CIDEC: variants seen among roughly 807,000 people sequenced by gnomAD.
CIDEC encodes the protein lipid transferase CIDEC.
In CIDEC, 11 loss-of-function variants were observed where a neutral mutation model predicts 21.9. The ratio of observed to expected loss-of-function variants is 0.50; its 90% CI spans 0.32 to 0.83. CIDEC has a LOEUF of 0.83. Among genes scored for constraint, CIDEC ranks in the 40% least tolerant of loss-of-function variants. The probability of loss-of-function intolerance (pLI) is 0.04; values close to 1 mark genes in which losing one functional copy is unlikely to be tolerated. For missense variants in CIDEC, 302 were observed against 302.3 expected (o/e 1.00, Z 0.01); for synonymous variants, 127 against 124.9 (o/e 1.02, Z -0.11).
intron 3 of CIDEC, 165 bp downstream of exon 3, chr3:9,878,269 G>GA (rs2082455188): frequency 1.5e-6 from 1 of 682,970 alleles, no homozygotes; most frequent in Non-Finnish European, 2.7e-6. Flanking sequence ...ATCACCCAGG[G>GA]ACTTCTTGGC....
intron 4 of CIDEC, among the ~76,000 whole-genome samples, chr3:9,872,691 T>C (rs1268275116): frequency 6.6e-6 from 1 of 152,090 alleles, no homozygotes; most frequent in Non-Finnish European, 1.5e-5. Flanking sequence ...TGTCCCTTGA[T>C]ATACAAAAGT....
At position 9,869,930 on chromosome 3, in the gene CIDEC, T is replaced by C; in HGVS notation, c.506A>G (p.Tyr169Cys). 1 of 1,613,734 alleles carries C rather than the reference T, an allele frequency of 6.2e-7. No individual in the cohort carries two copies. Among genetic ancestry groups the C allele is most frequent in the South Asian group, 1.1e-5 (1 of 91,058 alleles). Reference sequence around the variant, plus strand: ...GCAGTGCAGATCATAGGAAAGGGAGTATGTATCATAAAAAGTCGCCTTCAC... The same window carrying C: ...GCAGTGCAGATCATAGGAAAGGGAGCATGTATCATAAAAAGTCGCCTTCAC... ...LNVKATFYDTYSLSYDLHCCG... is the reference protein window; with the variant it reads ...LNVKATFYDTCSLSYDLHCCG... Residue 169 changes from tyrosine (Y) to cysteine (C), a missense_variant, in exon 6 of 7, where the codon TAC (tyrosine) becomes TGC (cysteine). Coordinates refer to ENST00000336832, the MANE Select transcript of CIDEC (RefSeq NM_001321142.2).
chr3:9,875,202 C>T lies in CIDEC; in HGVS notation c.207+1864G>A, dbSNP rs561611294. On this transcript the variant is annotated intron_variant, in intron 4 of 6. Transcript: ENST00000336832. ...CATCCTGGCTAACACGGTGAAACCCCGTCTCTACCAAAAATACAAAAAAAA... is the reference window on the plus strand; with the variant it reads ...CATCCTGGCTAACACGGTGAAACCCTGTCTCTACCAAAAATACAAAAAAAA... Among the ~76,000 whole-genome samples the T allele has an allele frequency of 1.3e-4, 20 of 151,962 alleles. No homozygotes were observed. In the South Asian group the frequency reaches 4.0e-3, roughly 30 times the overall value.
chr3:9,866,752 AT>A lies in CIDEC; in HGVS notation c.*381del. The stretch of plus-strand genomic sequence containing the variant: ...TTTATTGCAAACTCCCTAATATCAC[AT>A]GCTAGTGCGCTTGCGAATTCACTCA... On this transcript the variant is annotated 3_prime_UTR_variant, in exon 7 of 7. Coordinates refer to ENST00000336832, the MANE Select transcript of CIDEC (RefSeq NM_001321142.2). 1 of 502,044 alleles carries A rather than the reference AT, an allele frequency of 2.0e-6. No homozygotes were observed. The highest frequency in any genetic ancestry group is 3.6e-6 in the Non-Finnish European group (1 of 277,112). 31.1% of individuals were successfully genotyped at this position (502,044 alleles called of 1,614,324 possible). A position where few individuals can be genotyped will look rare whatever the true frequency, so the allele number is the denominator to read the frequency against.
intron 4 of CIDEC, among the ~76,000 whole-genome samples, chr3:9,875,880 G>A (rs2082415614): frequency 2.0e-5 from 3 of 152,170 alleles, no homozygotes; most frequent in Admixed American, 6.5e-5. Context: ...TGCAGGGGGT[G>A]CCCAGACCTC....
chr3:9,871,785 C>CA (rs1409044614), intron 4 of CIDEC, among the ~76,000 whole-genome samples: 2 of 152,030 alleles, frequency 1.3e-5, no homozygotes, highest in South Asian at 2.1e-4. Context: ...CATGTGCCAC[C>CA]ACACCCAGCT....
rs1364172399 is a variant in CIDEC, at chr3:9,878,571, T to C, written c.-25-60A>G. On this transcript the variant is annotated intron_variant, in intron 2 of 6. Coordinates refer to ENST00000336832, the MANE Select transcript of CIDEC (RefSeq NM_001321142.2). ...GATGAGAGGGTTCCCATCTCTCTCA[T>C]TGTTAGGCAAGGTGCAACCCAACCC... 5 of 1,487,782 alleles carry C rather than the reference T, an allele frequency of 3.4e-6. No homozygotes were observed. In the African/African-American group the frequency reaches 5.5e-5, roughly 16 times the overall value. 92.2% of individuals were successfully genotyped at this position (1,487,782 alleles called of 1,614,324 possible). A position where few individuals can be genotyped will look rare whatever the true frequency, so the allele number is the denominator to read the frequency against.
intron 4 of CIDEC, among the ~76,000 whole-genome samples, chr3:9,872,949 AC>A (rs1173790806): frequency 6.6e-6 from 1 of 152,156 alleles, no homozygotes; most frequent in Non-Finnish European, 1.5e-5. Context: ...AGATTGCACC[AC>A]TGCACTCCAG....
Position 9,879,004 on chromosome 3 carries a change from T to C in CIDEC, c.-88A>G, listed in dbSNP as rs2082468691. On this transcript the variant is annotated 5_prime_UTR_variant, in exon 2 of 7. Transcript: ENST00000336832. ...AAAGCCTCCTCTCTCCCATGGGTCCTTGAGCAATCCGAGCCCCTTCCTGAG... is the reference window on the plus strand; with the variant it reads ...AAAGCCTCCTCTCTCCCATGGGTCCCTGAGCAATCCGAGCCCCTTCCTGAG... 2 of 627,232 alleles carry C rather than the reference T, an allele frequency of 3.2e-6. No individual in the cohort carries two copies. The highest frequency in any genetic ancestry group is 5.7e-6 in the Non-Finnish European group (2 of 348,878). 38.9% of individuals were successfully genotyped at this position (627,232 alleles called of 1,614,324 possible). A position where few individuals can be genotyped will look rare whatever the true frequency, so the allele number is the denominator to read the frequency against.
In CIDEC at chr3:9,878,516, G is replaced by A; in HGVS notation, c.-25-5C>T. 1 of 1,612,486 alleles carries A rather than the reference G, an allele frequency of 6.2e-7. No individual in the cohort carries two copies. Among genetic ancestry groups the A allele is most frequent in the Non-Finnish European group, 8.5e-7 (1 of 1,178,564 alleles). ...GTCAGCTGGACTGCGTTGGACCTGGGAAGGAGGCAGAAACAATTCATCAGG... is the reference window on the plus strand; with the variant it reads ...GTCAGCTGGACTGCGTTGGACCTGGAAAGGAGGCAGAAACAATTCATCAGG... On this transcript the variant is annotated splice_polypyrimidine_tract_variant and splice_region_variant and intron_variant, in intron 2 of 6. Transcript: ENST00000336832.
At chr3:9,877,670 A>G (rs575479226) in intron 3 of CIDEC, among the ~76,000 whole-genome samples, 2 of 152,098 alleles carry the variant, frequency 1.3e-5, no homozygotes, top group African/African-American at 4.8e-5. Context: ...AAAAAAAAAT[A>G]ATAAAATAAA....
At chr3:9,876,055 T>C (rs2082418492) in intron 4 of CIDEC, among the ~76,000 whole-genome samples, 1 of 152,150 alleles carries the variant, frequency 6.6e-6, no homozygotes, top group Non-Finnish European at 1.5e-5. Context: ...AAACTTAGAA[T>C]AAAGAGGTTA....
intron 6 of CIDEC, among the ~76,000 whole-genome samples, chr3:9,867,825 G>A (rs1355278949): frequency 1.3e-5 from 2 of 151,832 alleles, no homozygotes; most frequent in Non-Finnish European, 2.9e-5. Context: ...AGCTACTCGG[G>A]AAGCTGAGGC....
intron 6 of CIDEC, 28 bp from the exon 7 acceptor site, chr3:9,867,324 C>A: frequency 6.2e-7 from 1 of 1,613,242 alleles, no homozygotes. Context: ...GCACGCAAGT[C>A]AAAACCACGA....
At chr3:9,876,979 GA>G in intron 4 of CIDEC, 86 bp downstream of exon 4, 1 of 1,161,808 alleles carries the variant, frequency 8.6e-7, no homozygotes, top group Non-Finnish European at 1.3e-6. Flanking sequence ...TATCAGAAAG[GA>G]AACTGTGCCA....
At chr3:9,876,363 T>A (rs1348244510) in intron 4 of CIDEC, among the ~76,000 whole-genome samples, 1 of 150,154 alleles carries the variant, frequency 6.7e-6, no homozygotes, top group South Asian at 2.1e-4. Context: ...AGTCCCAGCT[T>A]CTTGGGAGGC....
chr3:9,876,938 G>T, intron 4 of CIDEC, 128 bp downstream of exon 4: 1 of 748,022 alleles, frequency 1.3e-6, no homozygotes, highest in South Asian at 1.6e-5. Flanking sequence ...AGCTCTCCAG[G>T]TGGGCATTAC....
At chr3:9,878,361 A>G in intron 3 of CIDEC, 73 bp downstream of exon 3, 1 of 1,149,388 alleles carries the variant, frequency 8.7e-7, no homozygotes, top group Non-Finnish European at 1.3e-6. Flanking sequence ...CTGTATACCC[A>G]TTAAAGTTTG....
chr3:9,869,246 C>T (rs145077632), intron 6 of CIDEC, among the ~76,000 whole-genome samples: 4 of 151,860 alleles, frequency 2.6e-5, no homozygotes, highest in African/African-American at 9.7e-5. Flanking sequence ...GTCTTTGACA[C>T]GTGCTTTTTT....
Sources: gnomAD v4.1 joint callset for allele counts (sites outside exome capture counted in the v4.1 genomes callset) on GRCh38, gnomAD v4.1.1 for gene constraint, MANE v1.5 for transcripts, NCBI Gene and HGNC (gene_info 2026-07-23, HGNC 2026-07-21) for gene names.